Variants in ZNHIT6 observed in about 807,000 individuals in gnomAD.
ZNHIT6 encodes the protein box C/D snoRNA protein 1.
Under a neutral mutation model 57.2 loss-of-function variants are expected in ZNHIT6, and 45 were observed. The ratio of observed to expected loss-of-function variants is 0.79; its 90% confidence interval spans 0.62 to 1.01. The LOEUF (loss-of-function observed/expected upper bound fraction) is 1.01, where lower values mean the gene tolerates loss of function less well. Ranked by LOEUF, ZNHIT6 falls within the 50% of genes least tolerant of loss-of-function variation. The pLI is 0.00. For missense variants in ZNHIT6, 528 were observed against 567.3 expected (o/e 0.93, Z 0.70); for synonymous variants, 188 against 190.0 (o/e 0.99, Z 0.09).
chr1:85,686,088 A>C (rs895845576), intron 5 of ZNHIT6, among the ~76,000 whole-genome samples: 1 of 151,042 alleles, frequency 6.6e-6, no homozygotes, highest in Non-Finnish European at 1.5e-5. Flanking sequence ...CAGCCTCTCT[A>C]GTAGTTGGGA....
At chr1:85,698,036 G>A (rs1662427099) in intron 5 of ZNHIT6, among the ~76,000 whole-genome samples, 1 of 152,084 alleles carries the variant, frequency 6.6e-6, no homozygotes, top group African/African-American at 2.4e-5. Flanking sequence ...AAATAAGGAG[G>A]AGAGCCAACA....
At chr1:85,665,560 C>G (rs1281233410) in intron 8 of ZNHIT6, among the ~76,000 whole-genome samples, 1 of 152,126 alleles carries the variant, frequency 6.6e-6, no homozygotes, top group African/African-American at 2.4e-5. Flanking sequence ...ACCCTCTTAG[C>G]AAATTTCAAG....
intron 6 of ZNHIT6, among the ~76,000 whole-genome samples, chr1:85,679,828 AT>A: frequency 6.6e-6 from 1 of 152,216 alleles, no homozygotes; most frequent in East Asian, 1.9e-4. Flanking sequence ...AAGGCAATCC[AT>A]CCGCCTCGAC....
intron 5 of ZNHIT6, among the ~76,000 whole-genome samples, chr1:85,700,357 T>C (rs1326315811): frequency 6.6e-6 from 1 of 152,212 alleles, no homozygotes; most frequent in Non-Finnish European, 1.5e-5. Context: ...ACTATGTTGC[T>C]AATCTCCTCC....
chr1:85,702,407 A>G (rs1662562216), intron 4 of ZNHIT6, 147 bp from the exon 5 acceptor site: 2 of 598,118 alleles, frequency 3.3e-6, no homozygotes, highest in South Asian at 4.3e-5. Context: ...AATCTTCACC[A>G]TGATACTATG....
At chr1:85,689,720 G>T (rs1378937841) in intron 5 of ZNHIT6, among the ~76,000 whole-genome samples, 2 of 152,114 alleles carry the variant, frequency 1.3e-5, no homozygotes, top group African/African-American at 4.8e-5. Flanking sequence ...CAACTGGGAG[G>T]GCTGGGAGTA....
chr1:85,656,544 A>G (rs1474995131), intron 9 of ZNHIT6, among the ~76,000 whole-genome samples: 1 of 152,166 alleles, frequency 6.6e-6, no homozygotes, highest in African/African-American at 2.4e-5. Context: ...CTACATTACT[A>G]AACAACTTTT....
At chr1:85,656,867 C>T (rs17398930) in intron 9 of ZNHIT6, among the ~76,000 whole-genome samples, 8,604 of 152,120 alleles carry the variant, frequency 0.057, 355 homozygotes, top group Middle Eastern at 0.1. Context: ...CTACGCACAA[C>T]AGAGAATACC....
intron 8 of ZNHIT6, among the ~76,000 whole-genome samples, chr1:85,670,919 A>G (rs920904855): frequency 6.6e-6 from 1 of 152,208 alleles, no homozygotes; most frequent in Non-Finnish European, 1.5e-5. Flanking sequence ...GCGTACCAAC[A>G]TTTGTTGACT....
Position 85,653,862 on chromosome 1 carries a change from T to C in ZNHIT6, c.*196A>G, listed in dbSNP as rs945512427. Reference sequence around the variant, plus strand: ...CAAGTGCAAAGGAGAGTTCTTAATATGAATAAATGGGTCTTACAAGTCAAT... The same window carrying C: ...CAAGTGCAAAGGAGAGTTCTTAATACGAATAAATGGGTCTTACAAGTCAAT... On this transcript the variant is annotated 3_prime_UTR_variant, in exon 10 of 10. Coordinates refer to ENST00000370574, the MANE Select transcript of ZNHIT6 (RefSeq NM_017953.4). The C allele has an allele frequency of 1.8e-6, 1 of 556,748 alleles. No homozygotes were observed. Among genetic ancestry groups the C allele is most frequent in the African/African-American group, 1.9e-5 (1 of 52,192 alleles). 34.5% of individuals were successfully genotyped at this position (556,748 alleles called of 1,614,324 possible).
At chr1:85,680,160 C>T (rs773977237) in intron 6 of ZNHIT6, among the ~76,000 whole-genome samples, 24 of 152,140 alleles carry the variant, frequency 1.6e-4, no homozygotes, top group East Asian at 3.9e-4. Context: ...AGCGGAGGTC[C>T]GCACCACTGC....
chr1:85,681,030 T>C, intron 5 of ZNHIT6, 126 bp from the exon 6 acceptor site: 1 of 634,832 alleles, frequency 1.6e-6, no homozygotes. Flanking sequence ...ATATATTTTC[T>C]ATTAAGAGCT....
intron 8 of ZNHIT6, among the ~76,000 whole-genome samples, chr1:85,666,950 G>A (rs1661386474): frequency 6.6e-6 from 1 of 152,004 alleles, no homozygotes; most frequent in South Asian, 2.1e-4. Flanking sequence ...TCCAAAACGT[G>A]GTCAAAAGTT....
Position 85,651,295 on chromosome 1 carries a change from T to G in ZNHIT6, c.*2763A>C, listed in dbSNP as rs906295870. ...ACCCAGGCAGTGCCCAGGAATGCAGTGGAACAATCTCAGCTCACTGCAAAC... is the reference window on the plus strand; with the variant it reads ...ACCCAGGCAGTGCCCAGGAATGCAGGGGAACAATCTCAGCTCACTGCAAAC... On this transcript the variant is annotated 3_prime_UTR_variant, in exon 10 of 10. Transcript: ENST00000370574. The G allele has an allele frequency of 9.9e-5, 15 of 152,112 alleles. No individual in the cohort carries two copies. Among genetic ancestry groups the G allele is most frequent in the African/African-American group, 3.6e-4 (15 of 41,512 alleles). 9.4% of individuals were successfully genotyped at this position (152,112 alleles called of 1,614,324 possible). A position where few individuals can be genotyped will look rare whatever the true frequency, so the allele number is the denominator to read the frequency against.
chr1:85,706,049 A>G, intron 4 of ZNHIT6, 29 bp downstream of exon 4: 1 of 1,553,126 alleles, frequency 6.4e-7, no homozygotes, highest in South Asian at 1.2e-5. Context: ...AAGGACTTCT[A>G]ACTGGAAGAA....
chr1:85,707,408 G>A (rs1662715946), intron 1 of ZNHIT6, among the ~76,000 whole-genome samples: 1 of 152,074 alleles, frequency 6.6e-6, no homozygotes, highest in South Asian at 2.1e-4. Context: ...ATTACCCATT[G>A]GACACTACTA....
In ZNHIT6 at chr1:85,707,677, G is replaced by T. The variant is rs749864132; in HGVS notation, c.608C>A (p.Pro203His). 1.3e-6 allele frequency: 2 copies of T among 1,574,502 alleles called. No homozygotes were observed. The highest frequency in any genetic ancestry group is 2.7e-5 in the African/African-American group (2 of 73,126). The part of the protein sequence containing the change: ...IVDDTKVKEE[P>H]PINHPVGCKR... Reference sequence around the variant, plus strand: ...GCAGCCCACCGGGTGATTTATCGGAGGCTCTTCTTTCACCTTTGTATCATC... The same window carrying T: ...GCAGCCCACCGGGTGATTTATCGGATGCTCTTCTTTCACCTTTGTATCATC... The change falls in exon 1 of 10, where the codon CCT becomes CAT. Residue 203 changes from proline (P) to histidine (H), a missense_variant. Physicochemically the swap from Pro to His is moderately conservative, Grantham distance 77. Coordinates refer to ENST00000370574, the MANE Select transcript of ZNHIT6 (RefSeq NM_017953.4).
intron 8 of ZNHIT6, among the ~76,000 whole-genome samples, chr1:85,670,476 C>G (rs915462681): frequency 6.6e-6 from 1 of 152,132 alleles, no homozygotes; most frequent in Non-Finnish European, 1.5e-5. Flanking sequence ...AATTAGCACA[C>G]TGATTAAAAA....
chr1:85,681,309 C>T (rs539735417), intron 5 of ZNHIT6, among the ~76,000 whole-genome samples: 10 of 152,274 alleles, frequency 6.6e-5, no homozygotes, highest in South Asian at 2.1e-4. Context: ...GGCATGAGTA[C>T]GTGCATTCAG....
Sources: allele counts gnomAD v4.1 joint callset (sites outside exome capture counted in the v4.1 genomes callset), GRCh38; gene constraint gnomAD v4.1.1; transcripts MANE v1.5; gene names NCBI Gene and HGNC (gene_info 2026-07-23, HGNC 2026-07-21).